The following NET1 variants were observed in gnomAD, a reference collection of about 807,000 sequenced individuals.
NET1 encodes neuroepithelial cell transforming 1, also known as neuroepithelial cell-transforming gene 1 protein.
In NET1, 42 loss-of-function variants were observed where a neutral mutation model predicts 61.1. The ratio of observed to expected loss-of-function variants is 0.69; its 90% confidence interval spans 0.54 to 0.89. The LOEUF is 0.89. NET1 is among the 40% of genes least tolerant of loss of function. The pLI, the probability that NET1 is intolerant of heterozygous loss-of-function variation, is 0.00. For synonymous variants in NET1, 254 were observed against 281.8 expected, an observed-to-expected ratio of 0.90 and a Z score of 0.99; for missense variants, 654 against 747.3, an observed-to-expected ratio of 0.88 and a Z score of 1.46.
At position 5,439,359 on chromosome 10, in the gene NET1, T is replaced by G. The variant is rs2119195508; in HGVS notation, c.255+10130T>G. The stretch of plus-strand genomic sequence containing the variant: ...GGCCAAATTTTTCTCTTAGTGGTTT[T>G]AGAGACCTACTCCACCCCTAGATGA... On this transcript the variant is annotated intron_variant, in intron 3 of 11. Transcript: ENST00000355029. The surrounding 1 kb of genome is among the most constrained non-coding windows in gnomAD (Gnocchi z 4.8). 6.6e-6 allele frequency among the ~76,000 whole-genome samples: 1 copy of G among 152,360 alleles called. No individual in the cohort carries two copies. Among genetic ancestry groups the G allele is most frequent in the Non-Finnish European group, 1.5e-5 (1 of 68,038 alleles).
At chr10:5,450,380 C>G (rs566053546) in intron 3 of NET1, among the ~76,000 whole-genome samples, 1 of 152,072 alleles carries the variant, frequency 6.6e-6, no homozygotes, top group Admixed American at 6.5e-5. Flanking sequence ...ATTTACATTT[C>G]TTTCCAAATA....
In NET1 at chr10:5,412,816, G is replaced by A. The variant is rs1471845223; in HGVS notation, c.124G>A (p.Gly42Arg). ...CGACACCTCCGGGTCGGAGCTGGAC[G>A]GGAGGTGAGTGTGGGGGAGGGGAGG... The part of the protein sequence containing the change: ...SADTSGSELD[G>R]RCSLRRGSSF... Residue 42 changes from glycine to arginine, a missense_variant, in exon 1 of 12, where the codon GGG becomes AGG. Coordinates refer to ENST00000355029, the MANE Select transcript of NET1 (RefSeq NM_001047160.3). This position sits in a 1 kb window ranked among gnomAD's most constrained non-coding sequence, Gnocchi z 6.5. 1 of 1,424,492 alleles carries A rather than the reference G, an allele frequency of 7.0e-7. No homozygotes were observed. Among genetic ancestry groups the A allele is most frequent in the East Asian group, 3.0e-5 (1 of 33,462 alleles). The allele number at this position is 1,424,492 out of a possible 1,614,324, so 88.2% of individuals were successfully genotyped here. A position where few individuals can be genotyped will look rare whatever the true frequency, so the allele number is the denominator to read the frequency against.
At chr10:5,445,822 C>G (rs539573054) in intron 3 of NET1, among the ~76,000 whole-genome samples, 5 of 152,162 alleles carry the variant, frequency 3.3e-5, no homozygotes, top group African/African-American at 4.8e-5. Flanking sequence ...TGACCCTGTT[C>G]GAGCTATATC....
rs1832735755 is a variant in NET1 at position 5,453,122 on chromosome 10, T to C, written c.595-128T>C. 3 of 744,738 alleles carry C rather than the reference T, an allele frequency of 4.0e-6. No homozygotes were observed. The highest frequency in any genetic ancestry group is 2.1e-5 in the Admixed American group (1 of 46,852). 46.1% of individuals were successfully genotyped at this position (744,738 alleles called of 1,614,324 possible). ...TTATTTGGGGATTAATACATACTAATTTATTTTATGTGTAGCAAACAGAAT... is the reference window on the plus strand; with the variant it reads ...TTATTTGGGGATTAATACATACTAACTTATTTTATGTGTAGCAAACAGAAT... On this transcript the variant is annotated intron_variant, in intron 6 of 11. Coordinates refer to ENST00000355029, the MANE Select transcript of NET1 (RefSeq NM_001047160.3). The surrounding 1 kb of genome is among the most constrained non-coding windows in gnomAD (Gnocchi z 4.9).
At position 5,437,269 on chromosome 10, in the gene NET1, A is replaced by T. The variant is rs1393421354; in HGVS notation, c.255+8040A>T. On this transcript the variant is annotated intron_variant, in intron 3 of 11. Transcript: ENST00000355029. The surrounding 1 kb of genome is among the most constrained non-coding windows in gnomAD (Gnocchi z 4.3). ...CATACAGTATGTGTAATGACTACAG[A>T]TATATGATTATCCTGTATATATGCT... Among the ~76,000 whole-genome samples, 1 of 152,162 alleles carries T rather than the reference A, an allele frequency of 6.6e-6. No homozygotes were observed. The highest frequency in any genetic ancestry group is 1.5e-5 in the Non-Finnish European group (1 of 68,026).
chr10:5,434,368 G>T (rs1429328723), intron 3 of NET1, among the ~76,000 whole-genome samples: 1 of 152,142 alleles, frequency 6.6e-6, no homozygotes, highest in Non-Finnish European at 1.5e-5. Flanking sequence ...AGAAGTATCA[G>T]TTTCAAGAGT....
rs1588439889 is a variant in NET1 at position 5,452,511 on chromosome 10, A to T, written c.517A>T (p.Ile173Phe). The T allele has an allele frequency of 6.2e-7, 1 of 1,612,856 alleles. No homozygotes were observed. Among genetic ancestry groups the T allele is most frequent in the Non-Finnish European group, 8.5e-7 (1 of 1,179,360 alleles). The change falls in exon 5 of 12, where the codon ATC becomes TTC. Residue 173 changes from isoleucine (I) to phenylalanine (F), a missense_variant. Physicochemically the swap from Ile to Phe is conservative, Grantham distance 21. Coordinates refer to ENST00000355029, the MANE Select transcript of NET1 (RefSeq NM_001047160.3). The surrounding 1 kb of genome is among the most constrained non-coding windows in gnomAD (Gnocchi z 4.0). The stretch of plus-strand genomic sequence containing the variant: ...GAAGGAGTCTCTCACCACCAGGGAG[A>T]TCAGACGGCAGGAGGTATGCTGGCA... The part of the protein sequence containing the change: ...TMKESLTTRE[I>F]RRQEAIYEMS...
Position 5,454,252 on chromosome 10 carries a change from T to C in NET1, c.769-13T>C, listed in dbSNP as rs764288513. 10 of 1,605,546 alleles carry C rather than the reference T, an allele frequency of 6.2e-6. No individual in the cohort carries two copies. In the South Asian group the frequency reaches 6.7e-5, roughly 11 times the overall value. On this transcript the variant is annotated splice_polypyrimidine_tract_variant and intron_variant, in intron 8 of 11. Coordinates refer to ENST00000355029, the MANE Select transcript of NET1 (RefSeq NM_001047160.3). The surrounding 1 kb of genome is among the most constrained non-coding windows in gnomAD (Gnocchi z 8.1). ...CAGGAACACATCATACCTTTTCTTTTATTACTCTTCAGTTACCGCGCTTGA... is the reference window on the plus strand; with the variant it reads ...CAGGAACACATCATACCTTTTCTTTCATTACTCTTCAGTTACCGCGCTTGA...
Position 5,453,120 on chromosome 10 carries a change from A to G in NET1, c.595-130A>G. 1.3e-6 allele frequency: 1 copy of G among 742,006 alleles called. No individual in the cohort carries two copies. The highest frequency in any genetic ancestry group is 2.4e-6 in the Non-Finnish European group (1 of 421,438). 46.0% of individuals were successfully genotyped at this position (742,006 alleles called of 1,614,324 possible). ...GTTTATTTGGGGATTAATACATACT[A>G]ATTTATTTTATGTGTAGCAAACAGA... On this transcript the variant is annotated intron_variant, in intron 6 of 11. Transcript: ENST00000355029. This position sits in a 1 kb window ranked among gnomAD's most constrained non-coding sequence, Gnocchi z 4.9.
At chr10:5,428,119 C>T (rs1419419908) in intron 2 of NET1, among the ~76,000 whole-genome samples, 2 of 138,272 alleles carry the variant, frequency 1.4e-5, no homozygotes, top group Admixed American at 1.6e-4. Context: ...CCAGCAGTTT[C>T]TCCTCACTGT....
At position 5,454,502 on chromosome 10, in the gene NET1, G is replaced by A. The variant is rs1832765028; in HGVS notation, c.1006G>A (p.Val336Ile). Residue 336 changes from valine (V) to isoleucine (I), a missense_variant, in exon 9 of 12, where the codon GTT (valine) becomes ATT (isoleucine). Val to Ile is a conservative substitution (Grantham distance 29). Coordinates refer to ENST00000355029, the MANE Select transcript of NET1 (RefSeq NM_001047160.3). The surrounding 1 kb of genome is among the most constrained non-coding windows in gnomAD (Gnocchi z 8.1). ...ACACACTCCAAAAGAGCACCCTGAT[G>A]TTCAGCTTCTGGAGGATGCTGTAAG... ...LKHTPKEHPD[V>I]QLLEDAILII... The A allele has an allele frequency of 6.2e-7, 1 of 1,613,896 alleles. No homozygotes were observed. The highest frequency in any genetic ancestry group is 8.5e-7 in the Non-Finnish European group (1 of 1,179,974).
rs1832601797 is a variant in NET1, at chr10:5,446,015, T to C, written c.256-5815T>C. On this transcript the variant is annotated intron_variant, in intron 3 of 11. Coordinates refer to ENST00000355029, the MANE Select transcript of NET1 (RefSeq NM_001047160.3). The surrounding 1 kb of genome is among the most constrained non-coding windows in gnomAD (Gnocchi z 5.0). ...AGAAAAAATATCTACCTCTAAGAAA[T>C]ACTGAATTTTGAAATCTGAAGTAGC... Among the ~76,000 whole-genome samples, 1 of 152,152 alleles carries C rather than the reference T, an allele frequency of 6.6e-6. No individual in the cohort carries two copies. Among genetic ancestry groups the C allele is most frequent in the African/African-American group, 2.4e-5 (1 of 41,436 alleles).
At position 5,451,807 on chromosome 10, in the gene NET1, T is replaced by C; in HGVS notation, c.256-23T>C. 3 of 1,583,992 alleles carry C rather than the reference T, an allele frequency of 1.9e-6. No individual in the cohort carries two copies. The highest frequency in any genetic ancestry group is 2.6e-6 in the Non-Finnish European group (3 of 1,153,962). ...TCATTGCACCTAGACATATATTTAG[T>C]GTCATCTGGTTTGTTTTTATAGGAG... is the stretch of plus-strand genomic sequence containing the variant. On this transcript the variant is annotated intron_variant, in intron 3 of 11. Coordinates refer to ENST00000355029, the MANE Select transcript of NET1 (RefSeq NM_001047160.3). This position sits in a 1 kb window ranked among gnomAD's most constrained non-coding sequence, Gnocchi z 6.1.
rs547745594 is a variant in NET1 at position 5,412,912 on chromosome 10, G to A, written c.128+92G>A. 5.7e-5 allele frequency: 68 copies of A among 1,187,974 alleles called. No homozygotes were observed. The African/African-American group carries it at 9.7e-4, about 17-fold the overall frequency. 73.6% of individuals were successfully genotyped at this position (1,187,974 alleles called of 1,614,324 possible). A position where few individuals can be genotyped will look rare whatever the true frequency, so the allele number is the denominator to read the frequency against. ...GTGAGTGTTGGAGAGGCAAGGGCCG[G>A]GGGGAGGGGAGGGCTGGCCGGGAGT... On this transcript the variant is annotated intron_variant, in intron 1 of 11. Transcript: ENST00000355029. The surrounding 1 kb of genome is among the most constrained non-coding windows in gnomAD (Gnocchi z 6.5).
Position 5,449,573 on chromosome 10 carries a change from T to G in NET1, c.256-2257T>G, listed in dbSNP as rs554515005. 1.3e-5 allele frequency among the ~76,000 whole-genome samples: 2 copies of G among 152,358 alleles called. No individual in the cohort carries two copies. The highest frequency in any genetic ancestry group is 4.1e-4 in the South Asian group (2 of 4,832). ...GAGACCACATCAACAAAACCCGTGT[T>G]CGTTTCAGAAGTATGCTTTAGATAT... On this transcript the variant is annotated intron_variant, in intron 3 of 11. Coordinates refer to ENST00000355029, the MANE Select transcript of NET1 (RefSeq NM_001047160.3). This position sits in a 1 kb window ranked among gnomAD's most constrained non-coding sequence, Gnocchi z 4.4.
In NET1 at chr10:5,454,297, T is replaced by TAGTAACCA; in HGVS notation, c.802_809dup (p.Leu271ValfsTer35). Reference sequence around the variant, plus strand: ...GCTTGAATGCCTACAGAGGTTACTGTAGTAACCAGCTGGCAGCCAAAGCTC... The same window carrying TAGTAACCA: ...GCTTGAATGCCTACAGAGGTTACTGTAGTAACCAAGTAACCAGCTGGCAGCCAAAGCTC... On this transcript the variant is annotated frameshift_variant, in exon 9 of 12. Transcript: ENST00000355029. LOFTEE classifies it high-confidence loss of function. This position sits in a 1 kb window ranked among gnomAD's most constrained non-coding sequence, Gnocchi z 8.1. The TAGTAACCA allele has an allele frequency of 6.2e-7, 1 of 1,613,956 alleles. No individual in the cohort carries two copies. The highest frequency in any genetic ancestry group is 8.5e-7 in the Non-Finnish European group (1 of 1,179,864).
chr10:5,451,670 GTTC>G lies in NET1; in HGVS notation c.256-157_256-155del, dbSNP rs1832706276. On this transcript the variant is annotated intron_variant, in intron 3 of 11. Coordinates refer to ENST00000355029, the MANE Select transcript of NET1 (RefSeq NM_001047160.3). The surrounding 1 kb of genome is among the most constrained non-coding windows in gnomAD (Gnocchi z 6.1). ...TGAAAAGTTACTGCTACTCAATAGA[GTTC>G]TTATTGTTTTGACAATGAAGAACAA... Among the ~76,000 whole-genome samples the G allele has an allele frequency of 6.6e-6, 1 of 152,080 alleles. No individual in the cohort carries two copies. The highest frequency in any genetic ancestry group is 2.4e-5 in the African/African-American group (1 of 41,394).
rs778195532 is a variant in NET1, at chr10:5,456,077, A to G, written c.1198-10A>G. On this transcript the variant is annotated splice_polypyrimidine_tract_variant and intron_variant, in intron 10 of 11. Coordinates refer to ENST00000355029, the MANE Select transcript of NET1 (RefSeq NM_001047160.3). The surrounding 1 kb of genome is among the most constrained non-coding windows in gnomAD (Gnocchi z 7.0). ...GTTTCCTATTTAGCGTTTGTTTCCC[A>G]TTTCTCCAGAAACTTTACATTTTCC... is the stretch of plus-strand genomic sequence containing the variant. 9 of 1,601,714 alleles carry G rather than the reference A, an allele frequency of 5.6e-6. No homozygotes were observed. The East Asian group carries it at 1.6e-4, about 28-fold the overall frequency.
Position 5,412,573 on chromosome 10 carries a change from GC to G in NET1, c.-119del. ...GCCATTTTCAAATCCCCGGATGACG[GC>G]GGTGGCGGCTGCAGTCCGCTGACAG... On this transcript the variant is annotated 5_prime_UTR_variant, in exon 1 of 12. The change abolishes the stop of an existing upstream ORF in the 5' untranslated region. Transcript: ENST00000355029. The surrounding 1 kb of genome is among the most constrained non-coding windows in gnomAD (Gnocchi z 6.5). 9.4e-7 allele frequency: 1 copy of G among 1,068,054 alleles called. No homozygotes were observed. The highest frequency in any genetic ancestry group is 1.3e-6 in the Non-Finnish European group (1 of 788,924). The allele number at this position is 1,068,054 out of a possible 1,614,324, so 66.2% of individuals were successfully genotyped here.
Sources: allele counts gnomAD v4.1 joint callset (sites outside exome capture counted in the v4.1 genomes callset), GRCh38; gene constraint gnomAD v4.1.1; non-coding constraint Gnocchi (gnomAD v3.1); transcripts MANE v1.5; gene names NCBI Gene and HGNC (gene_info 2026-07-23, HGNC 2026-07-21).